Variants in MEIS1 observed in about 807,000 individuals in gnomAD.
MEIS1 encodes homeobox protein Meis1.
MEIS1 carries 5 observed loss-of-function variants against 50.8 expected under a neutral mutation model. The ratio of observed to expected loss-of-function variants is 0.10; its 90% CI spans 0.05 to 0.21. The LOEUF is 0.21. Ranked by LOEUF, MEIS1 falls within the 10% of genes least tolerant of loss-of-function variation. MEIS1 has a pLI of 1.00. For missense variants in MEIS1, 318 were observed against 517.3 expected (o/e 0.61, Z 3.74); for synonymous variants, 176 against 179.3 (o/e 0.98, Z 0.15).
chr2:66,447,778 T>G (rs542867026), intron 6 of MEIS1, among the ~76,000 whole-genome samples: 1 of 152,142 alleles, frequency 6.6e-6, no homozygotes, highest in Non-Finnish European at 1.5e-5. Flanking sequence ...TGTCTCTAAG[T>G]CTAAACGCTA....
chr2:66,553,352 T>C (rs562456337), intron 9 of MEIS1, among the ~76,000 whole-genome samples: 9 of 152,242 alleles, frequency 5.9e-5, no homozygotes, highest in Non-Finnish European at 1.3e-4. Context: ...GAATGGGTTG[T>C]TGTTCTTCAA....
intron 1 of MEIS1, chr2:66,437,497 A>G (rs1337569651): frequency 1.9e-6 from 1 of 529,302 alleles, no homozygotes; most frequent in East Asian, 3.1e-5. Flanking sequence ...AAACTAGTTG[A>G]TAGGGACACA....
intron 7 of MEIS1, among the ~76,000 whole-genome samples, chr2:66,503,875 G>A (rs566245473): frequency 1.3e-5 from 2 of 150,770 alleles, no homozygotes; most frequent in South Asian, 4.2e-4. Flanking sequence ...CTCCCAAGTA[G>A]CTGGGACTAC....
At chr2:66,532,628 A>C (rs1045476899) in intron 8 of MEIS1, among the ~76,000 whole-genome samples, 7 of 152,172 alleles carry the variant, frequency 4.6e-5, no homozygotes, top group African/African-American at 1.7e-4. Flanking sequence ...GAAAAAAAAA[A>C]CAGCTTTCAT....
intron 7 of MEIS1, among the ~76,000 whole-genome samples, chr2:66,490,726 A>G (rs929677212): frequency 6.6e-6 from 1 of 152,124 alleles, no homozygotes; most frequent in African/African-American, 2.4e-5. Context: ...ATAATGTGTA[A>G]AATAAAAGCC....
intron 6 of MEIS1, 61 bp downstream of exon 6, chr2:66,443,109 G>A: frequency 6.6e-7 from 1 of 1,512,260 alleles, no homozygotes; most frequent in South Asian, 1.3e-5. Flanking sequence ...CATATTGCTT[G>A]CTGGGTCACT....
chr2:66,571,530 C>G lies in MEIS1; in HGVS notation c.*322C>G, dbSNP rs780744841. 3 of 1,560,802 alleles carry G rather than the reference C, an allele frequency of 1.9e-6. No homozygotes were observed. The Admixed American group carries it at 5.8e-5, about 30-fold the overall frequency. On this transcript the variant is annotated 3_prime_UTR_variant, in exon 13 of 13. Coordinates refer to ENST00000272369, the MANE Select transcript of MEIS1 (RefSeq NM_002398.3). The stretch of plus-strand genomic sequence containing the variant: ...AGTCATGGACATTCATGCTCAGTAG[C>G]TTAAGGGAATATGCATTGTCTGCAA...
Position 66,573,715 on chromosome 2 carries a change from G to A in MEIS1, c.*2507G>A, listed in dbSNP as rs752282142. 11 of 152,164 alleles carry A rather than the reference G, an allele frequency of 7.2e-5. No homozygotes were observed. Among genetic ancestry groups the A allele is most frequent in the Non-Finnish European group, 1.5e-4 (10 of 68,054 alleles). The allele number at this position is 152,164 out of a possible 1,614,324, so 9.4% of individuals were successfully genotyped here. A position where few individuals can be genotyped will look rare whatever the true frequency, so the allele number is the denominator to read the frequency against. ...TTCTACCCCTCCCCAGCCCATAGAT[G>A]GGATTGTTTAAATCTCCCTTGTTGA... On this transcript the variant is annotated 3_prime_UTR_variant, in exon 13 of 13. Coordinates refer to ENST00000272369, the MANE Select transcript of MEIS1 (RefSeq NM_002398.3).
rs184890355 is a variant in MEIS1 at position 66,564,823 on chromosome 2, T to G, written c.966-2630T>G. 8.1e-4 allele frequency among the ~76,000 whole-genome samples: 123 copies of G among 152,114 alleles called. 1 individual carries two copies. The highest frequency in any genetic ancestry group is 2.9e-3 in the African/African-American group (120 of 41,496). On this transcript the variant is annotated intron_variant, in intron 9 of 12. Coordinates refer to ENST00000272369, the MANE Select transcript of MEIS1 (RefSeq NM_002398.3). ...GTGCCATGTTGGTGTGCTGCCCCCA[T>G]TAACTCGTCATTTACATTAGGTATA...
intron 7 of MEIS1, among the ~76,000 whole-genome samples, chr2:66,501,189 ATTCT>A (rs1166095380): frequency 6.6e-6 from 1 of 152,192 alleles, no homozygotes; most frequent in Admixed American, 6.5e-5. Context: ...AGTTCTGAAA[ATTCT>A]TTCTAAGCTG....
intron 6 of MEIS1, among the ~76,000 whole-genome samples, chr2:66,444,749 G>A (rs539104597): frequency 6.6e-6 from 1 of 152,348 alleles, no homozygotes; most frequent in Non-Finnish European, 1.5e-5. Flanking sequence ...GAACCCTCGA[G>A]TAGCTGCTGT....
At chr2:66,549,058 G>A (rs1000963149) in intron 9 of MEIS1, among the ~76,000 whole-genome samples, 1 of 152,152 alleles carries the variant, frequency 6.6e-6, no homozygotes, top group African/African-American at 2.4e-5. Flanking sequence ...ACCCTTCTCT[G>A]TTAGAGAGCC....
chr2:66,488,656 C>A (rs145063283), intron 7 of MEIS1, among the ~76,000 whole-genome samples: 3,639 of 151,998 alleles, frequency 0.024, 151 homozygotes, highest in African/African-American at 0.082. Flanking sequence ...CCAGCCTAGG[C>A]GACAAAGCGA....
At chr2:66,464,849 A>C (rs1348232092) in intron 7 of MEIS1, among the ~76,000 whole-genome samples, 2 of 152,196 alleles carry the variant, frequency 1.3e-5, no homozygotes, top group African/African-American at 4.8e-5. Flanking sequence ...TGCATGTTTG[A>C]CTATAACTAG....
At chr2:66,448,281 T>C (rs904138303) in intron 6 of MEIS1, among the ~76,000 whole-genome samples, 2 of 152,184 alleles carry the variant, frequency 1.3e-5, no homozygotes, top group African/African-American at 4.8e-5. Context: ...AGTTTTTAAA[T>C]GTTTGTCATA....
intron 2 of MEIS1, among the ~76,000 whole-genome samples, chr2:66,438,739 G>C (rs529135786): frequency 6.6e-6 from 1 of 152,226 alleles, no homozygotes; most frequent in Admixed American, 6.5e-5. Flanking sequence ...ACTGTGTGCC[G>C]ATGAATTTGG....
intron 8 of MEIS1, among the ~76,000 whole-genome samples, chr2:66,528,213 G>C (rs1674305173): frequency 6.6e-6 from 1 of 152,102 alleles, no homozygotes; most frequent in Non-Finnish European, 1.5e-5. Flanking sequence ...AAAAGGAGGA[G>C]GCCAAAGATA....
intron 8 of MEIS1, among the ~76,000 whole-genome samples, chr2:66,521,058 A>C (rs1674104965): frequency 1.3e-5 from 2 of 152,266 alleles, no homozygotes; most frequent in Admixed American, 6.5e-5. Flanking sequence ...GATGGTTATT[A>C]GTAACTAAGG....
intron 7 of MEIS1, among the ~76,000 whole-genome samples, chr2:66,464,550 C>T (rs1459350380): frequency 6.6e-6 from 1 of 152,204 alleles, no homozygotes; most frequent in Non-Finnish European, 1.5e-5. Flanking sequence ...ACTACTTGCC[C>T]TCAGAGGCTT....
Sources: allele counts gnomAD v4.1 joint callset (sites outside exome capture counted in the v4.1 genomes callset), GRCh38; gene constraint gnomAD v4.1.1; transcripts MANE v1.5; gene names NCBI Gene and HGNC (gene_info 2026-07-23, HGNC 2026-07-21).